The following PDE4D variants were observed in gnomAD, a reference collection of about 807,000 sequenced individuals.
The protein encoded by PDE4D is 3',5'-cyclic-AMP phosphodiesterase 4D.
In PDE4D, 24 loss-of-function variants were observed where a neutral mutation model predicts 87.4. The ratio of observed to expected loss-of-function variants is 0.27; its 90% CI spans 0.20 to 0.39. The LOEUF is 0.39. PDE4D is among the 10% of genes least tolerant of loss of function. The probability of loss-of-function intolerance (pLI) is 1.00; values close to 1 mark genes in which losing one functional copy is unlikely to be tolerated. For missense variants in PDE4D, 714 were observed against 1,041.0 expected (o/e 0.69, Z 4.32); for synonymous variants, 384 against 383.2 (o/e 1.00, Z -0.02).
At chr5:59,492,876 A>G (rs904393085) in intron 1 of PDE4D, among the ~76,000 whole-genome samples, 1 of 152,118 alleles carries the variant, frequency 6.6e-6, no homozygotes, top group Non-Finnish European at 1.5e-5. Flanking sequence ...CCCCTGCACA[A>G]GCTCTCTCTT....
chr5:59,229,892 G>A (rs1301871271), intron 1 of PDE4D, among the ~76,000 whole-genome samples: 3 of 152,096 alleles, frequency 2.0e-5, no homozygotes, highest in African/African-American at 4.8e-5. Flanking sequence ...TCCGCCTCCC[G>A]CGTTCAAGTG....
At chr5:60,497,945 CT>C (rs1403980801) in intron 1 of PDE4D, among the ~76,000 whole-genome samples, 1 of 152,170 alleles carries the variant, frequency 6.6e-6, no homozygotes, top group African/African-American at 2.4e-5. Context: ...AGAAGGAACA[CT>C]GGTTAAGTCT....
intron 5 of PDE4D, among the ~76,000 whole-genome samples, chr5:59,048,953 C>G (rs1376293654): frequency 6.6e-6 from 1 of 152,168 alleles, no homozygotes; most frequent in Non-Finnish European, 1.5e-5. Context: ...AATAATCTTC[C>G]TTAAACCCTG....
intron 1 of PDE4D, among the ~76,000 whole-genome samples, chr5:59,851,809 C>T (rs1280530191): frequency 6.6e-6 from 1 of 151,952 alleles, no homozygotes; most frequent in Non-Finnish European, 1.5e-5. Flanking sequence ...TCTCTAGGAA[C>T]ACCAGTCTGT....
chr5:60,158,742 T>C lies in PDE4D; in HGVS notation c.42+26815A>G, dbSNP rs143955526. ...CACTCCTGGCTAATTTTTTTAAATA[T>C]ATATTTTTAGTAGAGACGGGGTTTC... On this transcript the variant is annotated intron_variant, in intron 2 of 16. Coordinates refer to the PDE4D transcript ENST00000502484. Among the ~76,000 whole-genome samples, 325 of 152,198 alleles carry C rather than the reference T, an allele frequency of 2.1e-3. 8 individuals carry two copies. In the East Asian group the frequency reaches 0.046, roughly 21 times the overall value.
At chr5:60,450,230 C>G (rs1168528774) in intron 1 of PDE4D, among the ~76,000 whole-genome samples, 1 of 151,962 alleles carries the variant, frequency 6.6e-6, no homozygotes, top group African/African-American at 2.4e-5. Context: ...GGGGATTCAA[C>G]CCCATATTTA....
At chr5:59,902,801 C>T (rs1033658226) in intron 3 of PDE4D, among the ~76,000 whole-genome samples, 3 of 152,038 alleles carry the variant, frequency 2.0e-5, no homozygotes, top group African/African-American at 4.8e-5. Flanking sequence ...GCAGGCCAGT[C>T]GTCAACACTG....
intron 1 of PDE4D, among the ~76,000 whole-genome samples, chr5:59,801,081 A>T (rs1441801167): frequency 6.6e-6 from 1 of 152,208 alleles, no homozygotes; most frequent in South Asian, 2.1e-4. Context: ...TCTCAAGTTT[A>T]TCCTGCCCCT....
intron 1 of PDE4D, among the ~76,000 whole-genome samples, chr5:59,234,600 A>G (rs1282954992): frequency 6.6e-6 from 1 of 152,208 alleles, no homozygotes; most frequent in Non-Finnish European, 1.5e-5. Flanking sequence ...ATATGTAAAT[A>G]GAACCTCCAT....
At chr5:60,008,940 G>C (rs1456083386) in intron 2 of PDE4D, among the ~76,000 whole-genome samples, 2 of 151,900 alleles carry the variant, frequency 1.3e-5, no homozygotes, top group Non-Finnish European at 2.9e-5. Flanking sequence ...CCATATTAGT[G>C]GTTCCTGCCA....
At chr5:59,795,392 C>G (rs370461595) in intron 1 of PDE4D, among the ~76,000 whole-genome samples, 1 of 152,042 alleles carries the variant, frequency 6.6e-6, no homozygotes, top group Non-Finnish European at 1.5e-5. Context: ...GTGGGTTCCC[C>G]GGTGGATCAC....
intron 1 of PDE4D, among the ~76,000 whole-genome samples, chr5:60,428,361 A>G (rs1017453436): frequency 2.0e-5 from 3 of 152,154 alleles, no homozygotes; most frequent in African/African-American, 7.2e-5. Context: ...TGAAAAGAGC[A>G]GGAAAGAAAC....
chr5:59,743,659 A>G (rs1759179240), intron 1 of PDE4D, among the ~76,000 whole-genome samples: 1 of 152,160 alleles, frequency 6.6e-6, no homozygotes, highest in Admixed American at 6.5e-5. Flanking sequence ...CTTAAGACAC[A>G]CTTAGATATA....
chr5:59,252,062 A>G (rs1433099676), intron 1 of PDE4D, among the ~76,000 whole-genome samples: 1 of 152,098 alleles, frequency 6.6e-6, no homozygotes, highest in Non-Finnish European at 1.5e-5. Flanking sequence ...AGAAAAGATA[A>G]CTATTAGGCT....
intron 1 of PDE4D, among the ~76,000 whole-genome samples, chr5:59,257,176 C>CA: frequency 6.6e-6 from 1 of 151,918 alleles, no homozygotes; most frequent in Non-Finnish European, 1.5e-5. Flanking sequence ...GTTTTGTGAC[C>CA]AAAAATATAC....
chr5:59,174,649 A>T (rs747637343), intron 5 of PDE4D, among the ~76,000 whole-genome samples: 1 of 152,190 alleles, frequency 6.6e-6, no homozygotes, highest in Non-Finnish European at 1.5e-5. Context: ...CAAATAATAC[A>T]ATGCCACATC....
intron 1 of PDE4D, among the ~76,000 whole-genome samples, chr5:60,353,055 C>T (rs563513224): frequency 4.6e-5 from 7 of 152,254 alleles, no homozygotes; most frequent in African/African-American, 1.7e-4. Context: ...CTTAGAGAAT[C>T]ACTGGGGAGG....
intron 1 of PDE4D, among the ~76,000 whole-genome samples, chr5:59,812,612 G>A (rs1025714284): frequency 6.6e-6 from 1 of 151,888 alleles, no homozygotes; most frequent in Non-Finnish European, 1.5e-5. Flanking sequence ...GGCGGACGTT[G>A]CAGTGAGCCA....
intron 1 of PDE4D, among the ~76,000 whole-genome samples, chr5:59,299,479 C>A (rs1769750295): frequency 6.6e-6 from 1 of 152,174 alleles, no homozygotes; most frequent in African/African-American, 2.4e-5. Context: ...CCTAAATAAA[C>A]AACTAATATT....
Sources: gnomAD v4.1 joint callset for allele counts (sites outside exome capture counted in the v4.1 genomes callset) on GRCh38, gnomAD v4.1.1 for gene constraint, MANE v1.5 for transcripts, NCBI Gene and HGNC (gene_info 2026-07-23, HGNC 2026-07-21) for gene names.